PMS2: variants seen among roughly 807,000 people sequenced by gnomAD.
PMS2 encodes mismatch repair endonuclease PMS2.
A neutral mutation model predicts 90.0 loss-of-function variants in PMS2; 69 were observed. That is an observed-to-expected ratio of 0.77 (90% CI 0.63 to 0.94). The LOEUF is 0.94. PMS2 is among the 40% of genes least tolerant of loss of function. The probability of loss-of-function intolerance (pLI) is 0.00; values close to 1 mark genes in which losing one functional copy is unlikely to be tolerated. For synonymous variants in PMS2, 332 were observed against 375.1 expected, an observed-to-expected ratio of 0.89 and a Z score of 1.33; for missense variants, 966 against 1,040.2, an observed-to-expected ratio of 0.93 and a Z score of 0.98.
At position 6,003,969 on chromosome 7, in the gene PMS2, T is replaced by A. The variant is rs2128829214; in HGVS notation, c.250+3A>T. 1 of 1,576,582 alleles carries A rather than the reference T, an allele frequency of 6.3e-7. No homozygotes were observed. The highest frequency in any genetic ancestry group is 1.1e-5 in the South Asian group (1 of 90,198). On this transcript the variant is annotated splice_donor_region_variant and intron_variant, in intron 3 of 14. Coordinates refer to ENST00000265849, the MANE Select transcript of PMS2 (RefSeq NM_000535.7). ...ATAATAGGATTAGAAAAAGTCAACT[T>A]ACTTAAGCCTTCGAAGTTTTCTTCT...
In PMS2 at chr7:5,986,828, C is replaced by A. The variant is rs372341850; in HGVS notation, c.1937G>T (p.Arg646Met). 1.0e-4 allele frequency: 163 copies of A among 1,613,618 alleles called. No homozygotes were observed. The highest frequency in any genetic ancestry group is 1.3e-4 in the Non-Finnish European group (159 of 1,179,814). The part of the protein sequence containing the change: ...AQQSEGEQNY[R>M]KFRAKICPGE... ...AGGACAAATCTTTGCCCTAAACTTC[C>A]TGTAATTCTGTTCCCCTTCACTTTG... The change falls in exon 11 of 15, where the codon AGG becomes ATG. Residue 646 changes from arginine to methionine, a missense_variant. Physicochemically the swap from Arg to Met is moderately conservative, Grantham distance 91. Around this residue, in one of 2 missense-constraint regions of PMS2, gnomAD observed 871 missense variants for 802.4 expected, o/e 1.09. Transcript: ENST00000265849.
At chr7:5,986,647 A>G (rs1782900177) in intron 11 of PMS2, 112 bp downstream of exon 11, 1 of 804,804 alleles carries the variant, frequency 1.2e-6, no homozygotes, top group Non-Finnish European at 1.9e-6. Context: ...AGCCAAGATC[A>G]TGCCACTGCA....
At chr7:5,990,637 A>G (rs1486475360) in intron 9 of PMS2, among the ~76,000 whole-genome samples, 1 of 152,226 alleles carries the variant, frequency 6.6e-6, no homozygotes, top group Non-Finnish European at 1.5e-5. Context: ...TGGTACATCT[A>G]GAACACAATA....
chr7:5,991,788 G>A (rs1044096899), intron 9 of PMS2, among the ~76,000 whole-genome samples, 185 bp downstream of exon 9: 18 of 151,884 alleles, frequency 1.2e-4, no homozygotes, highest in Non-Finnish European at 1.5e-4. Context: ...GCAGTGAGCC[G>A]AGATCACGCC....
rs569938573 is a variant in PMS2, at chr7:5,989,421, G to A, written c.1144+379C>T. On this transcript the variant is annotated intron_variant, in intron 10 of 14. Coordinates refer to ENST00000265849, the MANE Select transcript of PMS2 (RefSeq NM_000535.7). ...GCACTCCAGCCTGGGTGACAAGAGCGAAACTCCATCTCAAAAAAACAGACA... is the reference window on the plus strand; with the variant it reads ...GCACTCCAGCCTGGGTGACAAGAGCAAAACTCCATCTCAAAAAAACAGACA... Among the ~76,000 whole-genome samples the A allele has an allele frequency of 3.3e-5, 5 of 151,614 alleles. No homozygotes were observed. The South Asian group carries it at 1.0e-3, about 32-fold the overall frequency.
In PMS2 at chr7:5,982,643, A is replaced by G. The variant is rs1265102882; in HGVS notation, c.2174+181T>C. On this transcript the variant is annotated intron_variant, in intron 12 of 14. Coordinates refer to ENST00000265849, the MANE Select transcript of PMS2 (RefSeq NM_000535.7). ...TGAGGCACCGCGCCTGGCCAACTAG[A>G]TATTTTTTATTTTTTACACCCCTCC... Among the ~76,000 whole-genome samples, 8 of 152,050 alleles carry G rather than the reference A, an allele frequency of 5.3e-5. No individual in the cohort carries two copies. The South Asian group carries it at 6.2e-4, about 12-fold the overall frequency.
rs1554301106 is a variant in PMS2, at chr7:5,996,590, A to AATATAT, written c.803+730_803+735dup. On this transcript the variant is annotated intron_variant, in intron 7 of 14. Transcript: ENST00000265849. ...CCATCTCAAAGCTAAAAAAAAAAAA[A>AATATAT]ATATATATATATATATATATATACA... 2.2e-3 allele frequency among the ~76,000 whole-genome samples: 241 copies of AATATAT among 110,148 alleles called. 4 individuals carry two copies. In the East Asian group the frequency reaches 0.031, roughly 14 times the overall value. The allele number at this position is 110,148 out of a possible 152,430, so 72.3% of individuals were successfully genotyped here. A position where few individuals can be genotyped will look rare whatever the true frequency, so the allele number is the denominator to read the frequency against.
chr7:5,992,695 A>G (rs1314731810), intron 8 of PMS2, among the ~76,000 whole-genome samples: 1 of 152,200 alleles, frequency 6.6e-6, no homozygotes. Flanking sequence ...AAAGTGTGCA[A>G]TTTCATAAGT....
intron 8 of PMS2, among the ~76,000 whole-genome samples, chr7:5,993,692 A>T (rs1344373453): frequency 6.6e-6 from 1 of 150,464 alleles, no homozygotes; most frequent in Non-Finnish European, 1.5e-5. Context: ...GAAACCCCGT[A>T]TCTACTAAAA....
At position 5,982,936 on chromosome 7, in the gene PMS2, T is replaced by A. The variant is rs1060503144; in HGVS notation, c.2062A>T (p.Ile688Leu). The A allele has an allele frequency of 2.5e-6, 4 of 1,590,492 alleles. No homozygotes were observed. Among genetic ancestry groups the A allele is most frequent in the Non-Finnish European group, 2.6e-6 (3 of 1,164,926 alleles). The change falls in exon 12 of 15, where the codon ATA becomes TTA. Residue 688 changes from isoleucine (I) to leucine (L), a missense_variant. Coordinates refer to ENST00000265849, the MANE Select transcript of PMS2 (RefSeq NM_000535.7). Reference sequence around the variant, plus strand: ...AAGATATCCTCATTCAGTTTGGTTATTATAAATCCCAGGTTAAACTGACCA... The same window carrying A: ...AAGATATCCTCATTCAGTTTGGTTAATATAAATCCCAGGTTAAACTGACCA... ...IIGQFNLGFIITKLNEDIFIV... is the reference protein window; with the variant it reads ...IIGQFNLGFILTKLNEDIFIV...
At chr7:6,006,180 A>C in intron 1 of PMS2, 149 bp from the exon 2 acceptor site, 1 of 902,520 alleles carries the variant, frequency 1.1e-6, no homozygotes, top group South Asian at 1.5e-5. Flanking sequence ...TATTATATCC[A>C]GAAATAGAAA....
intron 12 of PMS2, among the ~76,000 whole-genome samples, chr7:5,979,215 A>C (rs1019590627): frequency 3.5e-5 from 5 of 143,408 alleles, no homozygotes; most frequent in African/African-American, 1.3e-4. Context: ...AAAAAAAAAA[A>C]AAAAAAAACA....
chr7:5,997,324 A>C lies in PMS2; in HGVS notation c.803+2T>G. On this transcript the variant is annotated splice_donor_variant, in intron 7 of 14. Transcript: ENST00000265849. LOFTEE classifies it high-confidence loss of function. ...TAGTTCTCTTGCCAGCAATCTACTTACTAAAAAAGATTATGCAGAGCATCG... is the reference window on the plus strand; with the variant it reads ...TAGTTCTCTTGCCAGCAATCTACTTCCTAAAAAAGATTATGCAGAGCATCG... The C allele has an allele frequency of 7.0e-7, 1 of 1,429,714 alleles. No homozygotes were observed. The highest frequency in any genetic ancestry group is 1.2e-5 in the South Asian group (1 of 86,938). The allele number at this position is 1,429,714 out of a possible 1,614,324, so 88.6% of individuals were successfully genotyped here.
At position 6,003,751 on chromosome 7, in the gene PMS2, G is replaced by A. The variant is rs1583408706; in HGVS notation, c.292C>T (p.Leu98=). 5 of 1,603,594 alleles carry A rather than the reference G, an allele frequency of 3.1e-6. No homozygotes were observed. Among genetic ancestry groups the A allele is most frequent in the Non-Finnish European group, 4.2e-6 (5 of 1,179,274 alleles). ...AAGCCAAAAGTTTCAACCTGAGTTAGGTCGGCAAACTCTTGAATCTTAGAT... is the reference window on the plus strand; with the variant it reads ...AAGCCAAAAGTTTCAACCTGAGTTAAGTCGGCAAACTCTTGAATCTTAGAT... ...HTSKIQEFAD[L]TQVETFGFRG... Residue 98 remains leucine (L), a synonymous_variant, in exon 4 of 15, where the codon CTA becomes TTA. Transcript: ENST00000265849.
In PMS2 at chr7:6,006,037, G is replaced by A. The variant is rs1465940485; in HGVS notation, c.24-6C>T. On this transcript the variant is annotated splice_region_variant and splice_polypyrimidine_tract_variant and intron_variant, in intron 1 of 14. Coordinates refer to ENST00000265849, the MANE Select transcript of PMS2 (RefSeq NM_000535.7). ...TGGCCTTAGCAGGTTCTGTACTAGA[G>A]AAATCAGTTACAAGAAACAAATCAA... is the stretch of plus-strand genomic sequence containing the variant. The A allele has an allele frequency of 1.2e-6, 2 of 1,610,534 alleles. No homozygotes were observed. The highest frequency in any genetic ancestry group is 1.1e-5 in the South Asian group (1 of 90,978).
intron 1 of PMS2, among the ~76,000 whole-genome samples, chr7:6,007,978 G>T (rs1786039911): frequency 6.6e-6 from 1 of 151,182 alleles, no homozygotes; most frequent in African/African-American, 2.4e-5. Flanking sequence ...TCCTGCCTCA[G>T]CCTCCAAAGT....
chr7:5,996,989 C>T (rs1009676633), intron 7 of PMS2, among the ~76,000 whole-genome samples: 2 of 151,840 alleles, frequency 1.3e-5, no homozygotes, highest in African/African-American at 4.8e-5. Flanking sequence ...CCAAGGTGGG[C>T]GGATCATCTG....
intron 7 of PMS2, among the ~76,000 whole-genome samples, chr7:5,997,013 G>C (rs566654834): frequency 6.6e-5 from 10 of 152,038 alleles, no homozygotes; most frequent in African/African-American, 2.2e-4. Context: ...TCAGGAGTTC[G>C]AGACCAGCCT....
In PMS2 at chr7:5,998,007, CGAG is replaced by C. The variant is rs1291712512; in HGVS notation, c.706-587_706-585del. 2.1e-3 allele frequency among the ~76,000 whole-genome samples: 317 copies of C among 151,656 alleles called. 1 individual carries two copies. Among genetic ancestry groups the C allele is most frequent in the African/African-American group, 7.2e-3 (298 of 41,276 alleles). ...AGAGAGAGTGAAAAGACGCAGTATA[CGAG>C]TGTCTCTGGAAGAATAAAATGAAAC... On this transcript the variant is annotated intron_variant, in intron 6 of 14. Coordinates refer to ENST00000265849, the MANE Select transcript of PMS2 (RefSeq NM_000535.7).
Sources: gnomAD v4.1 joint callset for allele counts (sites outside exome capture counted in the v4.1 genomes callset) on GRCh38, gnomAD v4.1.1 for gene constraint, gnomAD v4.1.1 regional missense constraint, MANE v1.5 for transcripts, NCBI Gene and HGNC (gene_info 2026-07-23, HGNC 2026-07-21) for gene names.